TGFB2: variants seen among roughly 807,000 people sequenced by gnomAD.
TGFB2 encodes the protein transforming growth factor beta 2, also known as transforming growth factor beta-2 proprotein.
A neutral mutation model predicts 42.7 loss-of-function variants in TGFB2; 13 were observed. The ratio of observed to expected loss-of-function variants is 0.30; its 90% CI spans 0.20 to 0.48. The LOEUF (loss-of-function observed/expected upper bound fraction) is 0.48, where lower values mean the gene tolerates loss of function less well. Among genes scored for constraint, TGFB2 ranks in the 20% least tolerant of loss-of-function variants. The pLI is 0.99. For missense variants in TGFB2, 390 were observed against 517.5 expected, an observed-to-expected ratio of 0.75 and a Z score of 2.39; for synonymous variants, 193 against 193.6, an observed-to-expected ratio of 1.00 and a Z score of 0.03.
chr1:218,434,038 A>C lies in TGFB2; in HGVS notation c.511-44A>C, dbSNP rs778840927. On this transcript the variant is annotated intron_variant, in intron 2 of 6. Transcript: ENST00000366930. Reference sequence around the variant, plus strand: ...ATAGTTTTGGTTTAGTCATGCTGTCAGAATGCCAACTCAGCCTTTTCTCTT... The same window carrying C: ...ATAGTTTTGGTTTAGTCATGCTGTCCGAATGCCAACTCAGCCTTTTCTCTT... 32 of 1,608,272 alleles carry C rather than the reference A, an allele frequency of 2.0e-5. No individual in the cohort carries two copies. In the Admixed American group the frequency reaches 5.2e-4, roughly 26 times the overall value.
intron 1 of TGFB2, among the ~76,000 whole-genome samples, chr1:218,378,396 C>T (rs977891209): frequency 5.9e-5 from 9 of 152,154 alleles, no homozygotes; most frequent in African/African-American, 2.2e-4. Context: ...AGGCTGGTTT[C>T]GAAGTCCTGA....
chr1:218,394,158 C>A (rs1336104473), intron 1 of TGFB2, among the ~76,000 whole-genome samples: 9 of 152,176 alleles, frequency 5.9e-5, no homozygotes, highest in Admixed American at 5.2e-4. Flanking sequence ...ATCCGCCCGC[C>A]TCGGCCTCCC....
At chr1:218,407,749 A>G (rs1436564951) in intron 2 of TGFB2, among the ~76,000 whole-genome samples, 4 of 152,164 alleles carry the variant, frequency 2.6e-5, no homozygotes, top group African/African-American at 9.7e-5. Context: ...GCTGGGATAC[A>G]AATCCACCTC....
chr1:218,349,809 T>C (rs1208317178), intron 1 of TGFB2, among the ~76,000 whole-genome samples: 2 of 152,242 alleles, frequency 1.3e-5, no homozygotes, highest in African/African-American at 2.4e-5. Context: ...AAGTATACTA[T>C]ATAAATACAG....
chr1:218,419,316 A>G (rs1659381271), intron 2 of TGFB2, among the ~76,000 whole-genome samples: 1 of 151,976 alleles, frequency 6.6e-6, no homozygotes, highest in Admixed American at 6.5e-5. Context: ...AACTACCCAT[A>G]TGGTTGGTTC....
intron 5 of TGFB2, among the ~76,000 whole-genome samples, chr1:218,436,708 C>G (rs1045457933): frequency 6.6e-6 from 1 of 152,166 alleles, no homozygotes; most frequent in Non-Finnish European, 1.5e-5. Context: ...GAGGAGGGCT[C>G]TTTCCTTATT....
chr1:218,432,584 T>A (rs926009650), intron 2 of TGFB2, among the ~76,000 whole-genome samples: 2 of 152,216 alleles, frequency 1.3e-5, no homozygotes, highest in African/African-American at 4.8e-5. Context: ...GAAAGTACAT[T>A]TTCAGATGAG....
At chr1:218,389,680 A>G (rs1253177529) in intron 1 of TGFB2, among the ~76,000 whole-genome samples, 2 of 152,216 alleles carry the variant, frequency 1.3e-5, no homozygotes, top group East Asian at 3.9e-4. Context: ...CTTATCAACT[A>G]TTCAAGGAAC....
At chr1:218,433,214 G>A (rs987516536) in intron 2 of TGFB2, among the ~76,000 whole-genome samples, 5 of 151,950 alleles carry the variant, frequency 3.3e-5, no homozygotes, top group African/African-American at 7.3e-5. Context: ...GATTACAGGC[G>A]CCCACCACTG....
intron 2 of TGFB2, among the ~76,000 whole-genome samples, chr1:218,423,733 C>T (rs531223393): frequency 1.4e-4 from 22 of 152,236 alleles, no homozygotes; most frequent in African/African-American, 5.1e-4. Flanking sequence ...ATTCACTAGG[C>T]ATTAGAAGCC....
At chr1:218,391,655 T>C (rs1464300117) in intron 1 of TGFB2, among the ~76,000 whole-genome samples, 1 of 152,196 alleles carries the variant, frequency 6.6e-6, no homozygotes, top group Non-Finnish European at 1.5e-5. Flanking sequence ...AAGTATACCC[T>C]GAATAGGAGT....
In TGFB2 at chr1:218,345,386, C is replaced by T. The variant is rs1003814377; in HGVS notation, c.-1316C>T. The stretch of plus-strand genomic sequence containing the variant: ...TTCGCTCCGAGCGGAGCTCCAGAAG[C>T]TCCTGACAAGAGAAAGACAGATTGA... On this transcript the variant is annotated 5_prime_UTR_variant, in exon 1 of 7. Transcript: ENST00000366930. The T allele has an allele frequency of 1.3e-5, 2 of 152,244 alleles. No homozygotes were observed. Among genetic ancestry groups the T allele is most frequent in the African/African-American group, 4.8e-5 (2 of 41,434 alleles). 9.4% of individuals were successfully genotyped at this position (152,244 alleles called of 1,614,324 possible).
intron 2 of TGFB2, among the ~76,000 whole-genome samples, chr1:218,427,537 A>G (rs1273849626): frequency 2.6e-5 from 4 of 151,780 alleles, no homozygotes; most frequent in Non-Finnish European, 5.9e-5. Context: ...TCCTGTGTCC[A>G]AGTGTTCTCA....
intron 4 of TGFB2, among the ~76,000 whole-genome samples, chr1:218,435,579 G>C (rs952365500): frequency 1.3e-5 from 2 of 152,168 alleles, no homozygotes; most frequent in African/African-American, 2.4e-5. Context: ...GTGAACCAGC[G>C]GGTGACAAGG....
Position 218,346,746 on chromosome 1 carries a change from C to G in TGFB2, c.45C>G (p.Val15=), listed in dbSNP as rs1451967945. Reference sequence around the variant, plus strand: ...GCGCTTTTCTGATCCTGCATCTGGTCACGGTCGCGCTCAGCCTGTCTACCT... The same window carrying G: ...GCGCTTTTCTGATCCTGCATCTGGTGACGGTCGCGCTCAGCCTGTCTACCT... ...VLSAFLILHL[V]TVALSLSTCS... is the part of the protein sequence containing the mutation. The change falls in exon 1 of 7, where the codon GTC becomes GTG. Residue 15 remains valine (V), a synonymous_variant. Coordinates refer to ENST00000366930, the MANE Select transcript of TGFB2 (RefSeq NM_003238.6). This position sits in a 1 kb window ranked among gnomAD's most constrained non-coding sequence, Gnocchi z 4.9. 1.2e-6 allele frequency: 2 copies of G among 1,614,040 alleles called. No individual in the cohort carries two copies. The highest frequency in any genetic ancestry group is 3.3e-5 in the Admixed American group (2 of 59,996).
At chr1:218,387,247 G>A (rs1658166853) in intron 1 of TGFB2, among the ~76,000 whole-genome samples, 1 of 152,058 alleles carries the variant, frequency 6.6e-6, no homozygotes, top group Admixed American at 6.5e-5. Context: ...GGGTGGGAGG[G>A]GAGTGGAGGG....
At chr1:218,389,596 T>C (rs893904644) in intron 1 of TGFB2, among the ~76,000 whole-genome samples, 8 of 152,186 alleles carry the variant, frequency 5.3e-5, no homozygotes, top group Admixed American at 3.3e-4. Context: ...TTTTCCCTGA[T>C]CAAAACCCCT....
intron 1 of TGFB2, among the ~76,000 whole-genome samples, chr1:218,385,179 T>C (rs955642957): frequency 6.6e-6 from 1 of 152,146 alleles, no homozygotes; most frequent in Admixed American, 6.6e-5. Context: ...AAAAGGGAGA[T>C]GTACCTCAAA....
Position 218,441,659 on chromosome 1 carries a change from A to G in TGFB2, c.*297A>G, listed in dbSNP as rs1379906850. ...AAAAAAATAAACACTGGAAGAATTT[A>G]TTAGTGTTAATTATGTGAACAACGA... On this transcript the variant is annotated 3_prime_UTR_variant, in exon 7 of 7. Coordinates refer to ENST00000366930, the MANE Select transcript of TGFB2 (RefSeq NM_003238.6). 8.8e-6 allele frequency: 2 copies of G among 227,182 alleles called. No individual in the cohort carries two copies. Among genetic ancestry groups the G allele is most frequent in the Non-Finnish European group, 1.7e-5 (2 of 116,552 alleles). The allele number at this position is 227,182 out of a possible 1,614,324, so 14.1% of individuals were successfully genotyped here. A position where few individuals can be genotyped will look rare whatever the true frequency, so the allele number is the denominator to read the frequency against.
Sources: allele counts gnomAD v4.1 joint callset (sites outside exome capture counted in the v4.1 genomes callset), GRCh38; gene constraint gnomAD v4.1.1; non-coding constraint Gnocchi (gnomAD v3.1); transcripts MANE v1.5; gene names NCBI Gene and HGNC (gene_info 2026-07-23, HGNC 2026-07-21).